Variants in RIN2 observed in about 807,000 individuals in gnomAD.
The protein encoded by RIN2 is Ras and Rab interactor 2, also known as RAB5 interacting protein 2.
RIN2 carries 36 observed loss-of-function variants against 78.0 expected under a neutral mutation model. That is an observed-to-expected ratio of 0.46 (90% CI 0.35 to 0.61). The LOEUF (loss-of-function observed/expected upper bound fraction) is 0.61. Ranked by LOEUF, RIN2 falls within the 20% of genes least tolerant of loss-of-function variation. RIN2 has a pLI of 0.00. For synonymous variants in RIN2, 466 were observed against 466.8 expected, an observed-to-expected ratio of 1.00 and a Z score of 0.02; for missense variants, 1,087 against 1,159.7, an observed-to-expected ratio of 0.94 and a Z score of 0.91.
intron 4 of RIN2, among the ~76,000 whole-genome samples, chr20:19,948,293 C>T (rs1293594877): frequency 6.6e-6 from 1 of 152,206 alleles, no homozygotes; most frequent in African/African-American, 2.4e-5. Context: ...ACTTGCCATT[C>T]ATTCTATGAG....
intron 4 of RIN2, among the ~76,000 whole-genome samples, chr20:19,950,558 C>T (rs547687449): frequency 6.6e-6 from 1 of 152,144 alleles, no homozygotes; most frequent in East Asian, 1.9e-4. Context: ...AGGGGGAGCT[C>T]ATCATTTGAC....
intron 3 of RIN2, among the ~76,000 whole-genome samples, chr20:19,905,690 G>A (rs2039188888): frequency 6.6e-6 from 1 of 152,136 alleles, no homozygotes; most frequent in Admixed American, 6.6e-5. Context: ...CAAGGCTGCA[G>A]CCACTGCACT....
chr20:19,865,322 C>G (rs2037469446), intron 2 of RIN2, among the ~76,000 whole-genome samples: 1 of 152,152 alleles, frequency 6.6e-6, no homozygotes. Context: ...GAGGTACACT[C>G]AGGCCACTGG....
chr20:19,973,244 C>T (rs763641527), intron 8 of RIN2, among the ~76,000 whole-genome samples: 7 of 152,214 alleles, frequency 4.6e-5, no homozygotes, highest in East Asian at 3.8e-4. Flanking sequence ...TTGACTTCCT[C>T]GGTTGTACTA....
At chr20:19,989,971 G>A (rs1457732001) in intron 9 of RIN2, 35 bp from the exon 10 acceptor site, 1 of 1,490,300 alleles carries the variant, frequency 6.7e-7, no homozygotes, top group Admixed American at 2.5e-5. Context: ...TCTTTCTTCA[G>A]ACAATAGTCA....
At chr20:19,806,044 G>T (rs901892378) in intron 2 of RIN2, among the ~76,000 whole-genome samples, 1 of 152,276 alleles carries the variant, frequency 6.6e-6, no homozygotes, top group East Asian at 1.9e-4. Context: ...CAAAGGACAT[G>T]AACTCATCCT....
chr20:19,913,497 A>G (rs2039560113), intron 3 of RIN2, among the ~76,000 whole-genome samples: 1 of 152,200 alleles, frequency 6.6e-6, no homozygotes, highest in South Asian at 2.1e-4. Flanking sequence ...AAGTACATTC[A>G]TATTGTTGTG....
intron 3 of RIN2, among the ~76,000 whole-genome samples, chr20:19,891,332 C>T (rs1008734815): frequency 3.9e-5 from 6 of 152,130 alleles, no homozygotes; most frequent in African/African-American, 2.4e-5. Flanking sequence ...CCTCCAGGTT[C>T]CTGAGTTGCA....
intron 2 of RIN2, chr20:19,823,781 C>G: frequency 6.3e-7 from 1 of 1,599,186 alleles, no homozygotes; most frequent in Admixed American, 1.7e-5. Flanking sequence ...ATCCTCAGGC[C>G]CTTCCAGTCA....
At chr20:19,804,059 C>T (rs902139625) in intron 2 of RIN2, among the ~76,000 whole-genome samples, 1 of 152,196 alleles carries the variant, frequency 6.6e-6, no homozygotes, top group Non-Finnish European at 1.5e-5. Flanking sequence ...CATCCTGAGA[C>T]TTTGCTGAAG....
At chr20:19,852,535 A>G (rs1255059724) in intron 2 of RIN2, among the ~76,000 whole-genome samples, 1 of 152,164 alleles carries the variant, frequency 6.6e-6, no homozygotes, top group Non-Finnish European at 1.5e-5. Flanking sequence ...GGGCGATCCT[A>G]AAGGCTTGAA....
chr20:19,777,420 G>T (rs2034348517), intron 1 of RIN2, among the ~76,000 whole-genome samples: 2 of 152,210 alleles, frequency 1.3e-5, no homozygotes, highest in Admixed American at 1.3e-4. Context: ...CTTCAGCTCT[G>T]CATTCTTCCA....
intron 1 of RIN2, among the ~76,000 whole-genome samples, chr20:19,767,792 G>A (rs1341520759): frequency 1.3e-5 from 2 of 151,946 alleles, no homozygotes; most frequent in Admixed American, 6.6e-5. Flanking sequence ...GGGCGTGGTG[G>A]CAGGTGCCCA....
intron 2 of RIN2, among the ~76,000 whole-genome samples, chr20:19,808,564 G>A (rs573168655): frequency 4.7e-4 from 72 of 152,336 alleles, no homozygotes; most frequent in Middle Eastern, 3.4e-3. Context: ...TCTAAAGCAC[G>A]AGGTGCCTCC....
At chr20:19,897,716 CT>C (rs954169682) in intron 3 of RIN2, among the ~76,000 whole-genome samples, 229 of 143,694 alleles carry the variant, frequency 1.6e-3, no homozygotes, top group Admixed American at 1.5e-3. Flanking sequence ...CTGTTGGCTT[CT>C]TTTTTTTTTT....
At chr20:19,767,919 T>C (rs967280852) in intron 1 of RIN2, among the ~76,000 whole-genome samples, 1 of 49,396 alleles carries the variant, frequency 2.0e-5, no homozygotes, top group Non-Finnish European at 4.7e-5. Flanking sequence ...AGCAAAACTG[T>C]CTCAAAAAAA....
chr20:19,901,626 T>C (rs1399848801), intron 3 of RIN2, among the ~76,000 whole-genome samples: 1 of 152,256 alleles, frequency 6.6e-6, no homozygotes, highest in Admixed American at 6.5e-5. Context: ...GACATTTTGT[T>C]GTTTGACATT....
intron 6 of RIN2, among the ~76,000 whole-genome samples, chr20:19,964,036 G>A (rs914356443): frequency 6.6e-6 from 1 of 151,858 alleles, no homozygotes; most frequent in Admixed American, 6.6e-5. Flanking sequence ...GCTAATTTTT[G>A]TATTTTCAGT....
At chr20:19,818,451 G>T (rs954504432) in intron 2 of RIN2, among the ~76,000 whole-genome samples, 1 of 152,182 alleles carries the variant, frequency 6.6e-6, no homozygotes, top group South Asian at 2.1e-4. Context: ...TCACTTTATA[G>T]AACTTAATTT....
Sources: gnomAD v4.1 joint callset for allele counts (sites outside exome capture counted in the v4.1 genomes callset) on GRCh38, gnomAD v4.1.1 for gene constraint, MANE v1.5 for transcripts, NCBI Gene and HGNC (gene_info 2026-07-23, HGNC 2026-07-21) for gene names.